The following ZFPM2 variants were observed in gnomAD, a reference collection of about 807,000 sequenced individuals.
The protein encoded by ZFPM2 is zinc finger protein ZFPM2.
In ZFPM2, 20 loss-of-function variants were observed where a neutral mutation model predicts 98.6. The ratio of observed to expected loss-of-function variants is 0.20; its 90% CI spans 0.14 to 0.29. The LOEUF is 0.29. Among genes scored for constraint, ZFPM2 ranks in the 10% least tolerant of loss-of-function variants. The pLI, the probability that ZFPM2 is intolerant of heterozygous loss-of-function variation, is 1.00. For missense variants in ZFPM2, 1,310 were observed against 1,388.6 expected (o/e 0.94, Z 0.90); for synonymous variants, 518 against 502.7 (o/e 1.03, Z -0.41).
intron 5 of ZFPM2, among the ~76,000 whole-genome samples, chr8:105,778,889 G>C (rs1813173608): frequency 7.2e-6 from 1 of 139,834 alleles, no homozygotes; most frequent in South Asian, 2.2e-4. Flanking sequence ...CACAGAAACT[G>C]TCATCTTTTT....
intron 3 of ZFPM2, among the ~76,000 whole-genome samples, chr8:105,537,838 C>A (rs914388175): frequency 1.3e-4 from 19 of 151,892 alleles, no homozygotes; most frequent in African/African-American, 3.4e-4. Flanking sequence ...TCAAGTGATT[C>A]CCCTGCCTCA....
intron 5 of ZFPM2, among the ~76,000 whole-genome samples, chr8:105,706,629 G>A (rs1811269801): frequency 6.6e-6 from 1 of 152,022 alleles, no homozygotes; most frequent in Non-Finnish European, 1.5e-5. Flanking sequence ...ACTCAGGCTG[G>A]AGTACAGTGG....
chr8:105,734,667 A>G (rs1346415325), intron 5 of ZFPM2, among the ~76,000 whole-genome samples: 1 of 151,966 alleles, frequency 6.6e-6, no homozygotes, highest in Non-Finnish European at 1.5e-5. Flanking sequence ...CAGAAACTGT[A>G]AACTTATGAG....
intron 4 of ZFPM2, among the ~76,000 whole-genome samples, chr8:105,621,762 T>C (rs1241910563): frequency 6.6e-6 from 1 of 152,192 alleles, no homozygotes; most frequent in African/African-American, 2.4e-5. Flanking sequence ...TCCTTGAGTA[T>C]TCTACATAGT....
chr8:105,520,869 A>G (rs1200375872), intron 3 of ZFPM2, among the ~76,000 whole-genome samples: 1 of 152,044 alleles, frequency 6.6e-6, no homozygotes. Flanking sequence ...AGTGAGAGAC[A>G]TATGGGGAGG....
intron 3 of ZFPM2, among the ~76,000 whole-genome samples, chr8:105,477,476 C>T (rs1485943071): frequency 7.2e-5 from 11 of 152,018 alleles, no homozygotes; most frequent in Admixed American, 6.5e-4. Flanking sequence ...AACTCCTGAC[C>T]TCGTGATCCA....
intron 3 of ZFPM2, among the ~76,000 whole-genome samples, chr8:105,478,468 C>G (rs34397009): frequency 0.085 from 13,001 of 152,234 alleles, 671 homozygotes; most frequent in South Asian, 0.14. Flanking sequence ...TGGACCCATA[C>G]TTAAAATGCC....
chr8:105,694,609 C>A lies in ZFPM2; in HGVS notation c.532+60252C>A, dbSNP rs1285762966. On this transcript the variant is annotated intron_variant, in intron 5 of 7. Transcript: ENST00000407775. ...ATCACAGTGCCTGGAAGTTGATGAA[C>A]AATCAATTCTTGTTTATTTGATGAA... Among the ~76,000 whole-genome samples, 4 of 152,186 alleles carry A rather than the reference C, an allele frequency of 2.6e-5. No homozygotes were observed. In the South Asian group the frequency reaches 8.3e-4, roughly 32 times the overall value.
At chr8:105,424,427 A>G (rs757430338) in intron 2 of ZFPM2, among the ~76,000 whole-genome samples, 7 of 152,198 alleles carry the variant, frequency 4.6e-5, no homozygotes, top group Non-Finnish European at 1.0e-4. Flanking sequence ...AGACCTCTTC[A>G]GTCTGGAAAT....
rs772042320 is a variant in ZFPM2 at position 105,444,366 on chromosome 8, G to C, written c.286G>C (p.Asp96His). Reference protein sequence around the residue: ...KPGQPGVETDDWDGPGELEVF... With the variant: ...KPGQPGVETDHWDGPGELEVF... The stretch of plus-strand genomic sequence containing the variant: ...GGGGCAACCTGGAGTTGAGACAGAC[G>C]ACTGGGATGGACCAGGTAGGGGAGA... Residue 96 changes from aspartate to histidine, a missense_variant, in exon 3 of 8, where the codon GAC (aspartate) becomes CAC (histidine). Coordinates refer to ENST00000407775, the MANE Select transcript of ZFPM2 (RefSeq NM_012082.4). The C allele has an allele frequency of 2.5e-6, 4 of 1,610,952 alleles. No homozygotes were observed. Among genetic ancestry groups the C allele is most frequent in the African/African-American group, 1.3e-5 (1 of 74,884 alleles).
chr8:105,707,890 C>T (rs777114235), intron 5 of ZFPM2, among the ~76,000 whole-genome samples: 1 of 152,188 alleles, frequency 6.6e-6, no homozygotes, highest in Non-Finnish European at 1.5e-5. Flanking sequence ...TTATAACTCT[C>T]CTTTCATCTT....
At chr8:105,404,515 T>C (rs1811402795) in intron 1 of ZFPM2, among the ~76,000 whole-genome samples, 1 of 151,976 alleles carries the variant, frequency 6.6e-6, no homozygotes. Context: ...TGAATCTGAA[T>C]TTTTCTTTAT....
chr8:105,623,002 A>G (rs916524136), intron 4 of ZFPM2, among the ~76,000 whole-genome samples: 1 of 152,260 alleles, frequency 6.6e-6, no homozygotes, highest in South Asian at 2.1e-4. Context: ...TGAACTGAAA[A>G]TATACCTGAT....
chr8:105,782,231 A>G (rs1174181545), intron 5 of ZFPM2, among the ~76,000 whole-genome samples: 1 of 152,240 alleles, frequency 6.6e-6, no homozygotes, highest in Admixed American at 6.5e-5. Flanking sequence ...TATTATTAGC[A>G]CATGATGATG....
intron 2 of ZFPM2, among the ~76,000 whole-genome samples, chr8:105,421,991 G>T (rs1320681844): frequency 1.5e-5 from 2 of 137,340 alleles, no homozygotes; most frequent in Non-Finnish European, 3.0e-5. Context: ...AAGTTGCAGT[G>T]AGTTGAGATC....
At chr8:105,346,760 T>C (rs892976623) in intron 1 of ZFPM2, among the ~76,000 whole-genome samples, 1 of 152,190 alleles carries the variant, frequency 6.6e-6, no homozygotes, top group African/African-American at 2.4e-5. Flanking sequence ...CAGCCAATAT[T>C]TGGAATGGGT....
intron 5 of ZFPM2, among the ~76,000 whole-genome samples, chr8:105,763,460 T>C (rs1812782574): frequency 6.6e-6 from 1 of 152,002 alleles, no homozygotes; most frequent in African/African-American, 2.4e-5. Flanking sequence ...TTTTTTACAA[T>C]CTGCCCTAGT....
intron 3 of ZFPM2, 144 bp from the exon 4 acceptor site, chr8:105,561,219 T>G (rs534339252): frequency 1.5e-6 from 1 of 672,960 alleles, no homozygotes; most frequent in South Asian, 1.9e-5. Context: ...CAGGTTAAGA[T>G]GAGTTGTTTT....
chr8:105,412,546 GA>G (rs527455760), intron 1 of ZFPM2, among the ~76,000 whole-genome samples: 5 of 151,246 alleles, frequency 3.3e-5, no homozygotes, highest in South Asian at 2.1e-4. Flanking sequence ...AAATGTAAAT[GA>G]AAAAAAATCA....
Sources: gnomAD v4.1 joint callset for allele counts (sites outside exome capture counted in the v4.1 genomes callset) on GRCh38, gnomAD v4.1.1 for gene constraint, MANE v1.5 for transcripts, NCBI Gene and HGNC (gene_info 2026-07-23, HGNC 2026-07-21) for gene names.